Variants in DOCK5 observed in about 807,000 individuals in gnomAD.
DOCK5 encodes dedicator of cytokinesis protein 5.
DOCK5 carries 142 observed loss-of-function variants against 251.8 expected under a neutral mutation model. That is an observed-to-expected ratio of 0.56 (90% CI 0.49 to 0.65). DOCK5 has a LOEUF of 0.65. Among genes scored for constraint, DOCK5 ranks in the 30% least tolerant of loss-of-function variants. DOCK5 has a pLI of 0.00. For missense variants in DOCK5, 2,111 were observed against 2,312.3 expected (o/e 0.91, Z 1.79); for synonymous variants, 842 against 835.5 (o/e 1.01, Z -0.13).
chr8:25,223,464 G>T (rs1802443750), intron 1 of DOCK5, among the ~76,000 whole-genome samples: 1 of 152,062 alleles, frequency 6.6e-6, no homozygotes, highest in South Asian at 2.1e-4. Flanking sequence ...ACAGGCGTGG[G>T]CCACCACGCT....
intron 1 of DOCK5, among the ~76,000 whole-genome samples, chr8:25,218,672 T>C (rs1802310375): frequency 6.6e-6 from 1 of 152,184 alleles, no homozygotes; most frequent in African/African-American, 2.4e-5. Flanking sequence ...CACTTTCCCG[T>C]TGTAGGGATA....
intron 5 of DOCK5, among the ~76,000 whole-genome samples, chr8:25,289,352 A>G (rs571106171): frequency 6.6e-6 from 1 of 151,290 alleles, no homozygotes; most frequent in Non-Finnish European, 1.5e-5. Context: ...AGGTCTCGCT[A>G]TGTTGCCCAG....
rs59239520 is a variant in DOCK5, at chr8:25,331,801, T to TAG, written c.1904-410_1904-409dup. On this transcript the variant is annotated intron_variant, in intron 18 of 51. Transcript: ENST00000276440. ...TAATGCATATATATATATATATATATAGAGAGAGAGAGAGAGAGAGAGAGA... is the reference window on the plus strand; with the variant it reads ...TAATGCATATATATATATATATATATAGAGAGAGAGAGAGAGAGAGAGAGAGA... Among the ~76,000 whole-genome samples, 496 of 118,472 alleles carry TAG rather than the reference T, an allele frequency of 4.2e-3. 5 individuals carry two copies. The highest frequency in any genetic ancestry group is 0.016 in the African/African-American group (471 of 28,950). 77.7% of individuals were successfully genotyped at this position (118,472 alleles called of 152,430 possible).
intron 4 of DOCK5, 38 bp from the exon 5 acceptor site, chr8:25,278,531 A>G (rs749644896): frequency 1.3e-6 from 2 of 1,594,688 alleles, no homozygotes; most frequent in Non-Finnish European, 1.7e-6. Context: ...AGTGCTGATC[A>G]GCCTAGAAGA....
At chr8:25,258,211 C>T (rs935160420) in intron 2 of DOCK5, among the ~76,000 whole-genome samples, 1 of 151,756 alleles carries the variant, frequency 6.6e-6, no homozygotes, top group Non-Finnish European at 1.5e-5. Flanking sequence ...GGTCCTCTTC[C>T]TCATCCCTCA....
chr8:25,292,971 A>G lies in DOCK5; in HGVS notation c.470+799A>G, dbSNP rs185801592. 3.7e-4 allele frequency among the ~76,000 whole-genome samples: 56 copies of G among 152,288 alleles called. No homozygotes were observed. In the South Asian group the frequency reaches 8.7e-3, roughly 24 times the overall value. On this transcript the variant is annotated intron_variant, in intron 6 of 51. Coordinates refer to ENST00000276440, the MANE Select transcript of DOCK5 (RefSeq NM_024940.8). ...TTGTAGCCTGTTGATTATGGCTACA[A>G]TCACCTCTACAGAGTTAATCACTTC...
intron 26 of DOCK5, 125 bp from the exon 27 acceptor site, chr8:25,351,606 C>CA: frequency 3.1e-6 from 2 of 647,502 alleles, no homozygotes; most frequent in Non-Finnish European, 5.4e-6. Flanking sequence ...CACTTTTGGA[C>CA]AAGAGATTGC....
At chr8:25,366,833 T>C in intron 30 of DOCK5, 37 bp from the exon 31 acceptor site, 1 of 1,548,200 alleles carries the variant, frequency 6.5e-7, no homozygotes, top group Non-Finnish European at 8.9e-7. Flanking sequence ...AATGTTATTT[T>C]TCATTTCCCT....
At chr8:25,262,245 C>T (rs1274022357) in intron 2 of DOCK5, among the ~76,000 whole-genome samples, 1 of 151,970 alleles carries the variant, frequency 6.6e-6, no homozygotes, top group African/African-American at 2.4e-5. Flanking sequence ...TTAGCCATTG[C>T]AGTGGGTGGA....
Position 25,403,628 on chromosome 8 carries a change from C to T in DOCK5, c.4997C>T (p.Thr1666Ile). 1 of 1,614,024 alleles carries T rather than the reference C, an allele frequency of 6.2e-7. No individual in the cohort carries two copies. Among genetic ancestry groups the T allele is most frequent in the Non-Finnish European group, 8.5e-7 (1 of 1,179,884 alleles). ...GTGCTCCCCTACATCATGTCTTCCA[C>T]TCTGCGGAGGTTGTCCATCACCTCA... ...SIVLPYIMSSTLRRLSITSVT... is the reference protein window; with the variant it reads ...SIVLPYIMSSILRRLSITSVT... Residue 1666 changes from threonine to isoleucine, a missense_variant, in exon 48 of 52, where the codon ACT (threonine) becomes ATT (isoleucine). Thr to Ile is a moderately conservative substitution (Grantham distance 89). Coordinates refer to ENST00000276440, the MANE Select transcript of DOCK5 (RefSeq NM_024940.8).
At chr8:25,243,965 C>T (rs1302845214) in intron 2 of DOCK5, among the ~76,000 whole-genome samples, 1 of 152,236 alleles carries the variant, frequency 6.6e-6, no homozygotes, top group Non-Finnish European at 1.5e-5. Flanking sequence ...CTTGCACAGA[C>T]ACCAGGGTGA....
intron 2 of DOCK5, among the ~76,000 whole-genome samples, chr8:25,262,166 C>T (rs1803603865): frequency 6.6e-6 from 1 of 151,712 alleles, no homozygotes; most frequent in Non-Finnish European, 1.5e-5. Context: ...AAGAAACCAC[C>T]AGCAATGAGA....
intron 2 of DOCK5, among the ~76,000 whole-genome samples, chr8:25,266,486 A>T (rs1362912835): frequency 1.3e-5 from 2 of 151,844 alleles, no homozygotes; most frequent in Non-Finnish European, 2.9e-5. Context: ...AAGTGCTGGG[A>T]TTACAGCATT....
intron 30 of DOCK5, 173 bp downstream of exon 30, chr8:25,364,877 A>G (rs1800749028): frequency 2.0e-6 from 1 of 499,664 alleles, no homozygotes; most frequent in Admixed American, 3.6e-5. Context: ...CAAACACAAC[A>G]AAATAGGGGT....
At chr8:25,324,115 G>A (rs543438319) in intron 17 of DOCK5, among the ~76,000 whole-genome samples, 164 bp downstream of exon 17, 1 of 152,300 alleles carries the variant, frequency 6.6e-6, no homozygotes, top group East Asian at 1.9e-4. Context: ...CCAGCTTTGT[G>A]GTTTCCCACC....
At chr8:25,258,841 G>A (rs889314913) in intron 2 of DOCK5, among the ~76,000 whole-genome samples, 4 of 152,124 alleles carry the variant, frequency 2.6e-5, no homozygotes, top group African/African-American at 2.4e-5. Flanking sequence ...TAAATAGACC[G>A]GACACAGTGG....
chr8:25,219,515 T>C (rs1802328772), intron 1 of DOCK5, among the ~76,000 whole-genome samples: 1 of 152,164 alleles, frequency 6.6e-6, no homozygotes, highest in Non-Finnish European at 1.5e-5. Flanking sequence ...GGTTTACTTA[T>C]TTGTTTTTCT....
At chr8:25,392,670 A>G (rs1801281605) in intron 43 of DOCK5, 126 bp from the exon 44 acceptor site, 5 of 824,958 alleles carry the variant, frequency 6.1e-6, no homozygotes, top group Non-Finnish European at 9.8e-6. Flanking sequence ...TCTACGAGGC[A>G]TTTGAGAATA....
chr8:25,258,854 C>CA (rs1328715050), intron 2 of DOCK5, among the ~76,000 whole-genome samples: 1 of 152,204 alleles, frequency 6.6e-6, no homozygotes, highest in Non-Finnish European at 1.5e-5. Context: ...CACAGTGGCT[C>CA]ACGCTTGTAA....
Sources: gnomAD v4.1 joint callset for allele counts (sites outside exome capture counted in the v4.1 genomes callset) on GRCh38, gnomAD v4.1.1 for gene constraint, MANE v1.5 for transcripts, NCBI Gene and HGNC (gene_info 2026-07-23, HGNC 2026-07-21) for gene names.